The following GABRG3 variants were observed in gnomAD, a reference collection of about 807,000 sequenced individuals.
GABRG3 encodes gamma-aminobutyric acid receptor subunit gamma-3.
A neutral mutation model predicts 48.8 loss-of-function variants in GABRG3; 25 were observed. That is an observed-to-expected ratio of 0.51 (90% CI 0.37 to 0.72). The LOEUF is 0.72. Among genes scored for constraint, GABRG3 ranks in the 30% least tolerant of loss-of-function variants. GABRG3 has a pLI of 0.00. For missense variants in GABRG3, 394 were observed against 577.9 expected (o/e 0.68, Z 3.26); for synonymous variants, 227 against 217.6 (o/e 1.04, Z -0.38).
intron 5 of GABRG3, among the ~76,000 whole-genome samples, chr15:27,480,416 G>GC (rs961428644): frequency 6.6e-6 from 1 of 152,162 alleles, no homozygotes; most frequent in African/African-American, 2.4e-5. Flanking sequence ...GTTGTCAGTG[G>GC]CCAGGCCTAT....
rs962170832 is a variant in GABRG3, at chr15:26,976,607, C to T, written c.54-395C>T. ...GGTCTTGGTGGTCAGGGTGGAAACA[C>T]CACGATGCAGTCACCATATAGAAAA... On this transcript the variant is annotated intron_variant, in intron 1 of 9. Coordinates refer to ENST00000615808, the MANE Select transcript of GABRG3 (RefSeq NM_033223.5). The surrounding 1 kb of genome is among the most constrained non-coding windows in gnomAD (Gnocchi z 7.8). 6.6e-6 allele frequency among the ~76,000 whole-genome samples: 1 copy of T among 152,056 alleles called. No homozygotes were observed. Among genetic ancestry groups the T allele is most frequent in the Admixed American group, 6.6e-5 (1 of 15,262 alleles).
At chr15:27,493,440 T>C (rs1425258294) in intron 6 of GABRG3, among the ~76,000 whole-genome samples, 1 of 152,114 alleles carries the variant, frequency 6.6e-6, no homozygotes, top group African/African-American at 2.4e-5. Context: ...AGATAGAAAA[T>C]GTAGCAATGT....
chr15:27,213,042 C>T (rs938163925), intron 3 of GABRG3, among the ~76,000 whole-genome samples: 3 of 152,198 alleles, frequency 2.0e-5, no homozygotes, highest in African/African-American at 7.2e-5. Context: ...GTTGTACACT[C>T]TCTTTACTTC....
intron 3 of GABRG3, among the ~76,000 whole-genome samples, chr15:27,049,352 T>C (rs147386550): frequency 6.6e-6 from 1 of 152,356 alleles, no homozygotes; most frequent in East Asian, 1.9e-4. Context: ...AACCCTCATA[T>C]GGTCTTAGAA....
intron 3 of GABRG3, among the ~76,000 whole-genome samples, chr15:27,097,507 CTCTTTT>C (rs1897285150): frequency 6.6e-6 from 1 of 152,188 alleles, no homozygotes; most frequent in South Asian, 2.1e-4. Context: ...TTTTCTCTTT[CTCTTTT>C]TCTTTCTTCT....
intron 5 of GABRG3, among the ~76,000 whole-genome samples, chr15:27,433,189 C>T (rs1005717709): frequency 2.6e-5 from 4 of 152,146 alleles, no homozygotes; most frequent in African/African-American, 7.2e-5. Context: ...TAGTTTTTGC[C>T]CATGCCCAAA....
intron 5 of GABRG3, among the ~76,000 whole-genome samples, chr15:27,358,523 G>A (rs1025241844): frequency 6.6e-6 from 1 of 151,904 alleles, no homozygotes; most frequent in African/African-American, 2.4e-5. Flanking sequence ...TGAGATTAGG[G>A]GTGACACACT....
chr15:27,409,359 C>T (rs1017070377), intron 5 of GABRG3, among the ~76,000 whole-genome samples: 3 of 152,070 alleles, frequency 2.0e-5, no homozygotes, highest in Non-Finnish European at 2.9e-5. Flanking sequence ...TATCCTTCCT[C>T]CATTGACTTG....
chr15:26,995,474 C>G (rs1002280116), intron 2 of GABRG3, among the ~76,000 whole-genome samples: 5 of 151,268 alleles, frequency 3.3e-5, no homozygotes, highest in Admixed American at 1.3e-4. Flanking sequence ...TAGACTTAAT[C>G]TGATGTTTTG....
At chr15:27,341,603 G>A (rs746484961) in intron 5 of GABRG3, among the ~76,000 whole-genome samples, 10 of 152,080 alleles carry the variant, frequency 6.6e-5, no homozygotes, top group Non-Finnish European at 1.5e-4. Flanking sequence ...GGAACATCAA[G>A]CACGAAGAGA....
intron 6 of GABRG3, among the ~76,000 whole-genome samples, chr15:27,508,605 T>A (rs1361432438): frequency 3.3e-5 from 5 of 152,198 alleles, no homozygotes; most frequent in Admixed American, 3.3e-4. Flanking sequence ...TTTCTGAATA[T>A]ATTATATTCC....
chr15:27,338,709 A>G (rs78280091), intron 5 of GABRG3, among the ~76,000 whole-genome samples: 8,209 of 152,244 alleles, frequency 0.054, 432 homozygotes, highest in African/African-American at 0.13. Context: ...CAGGACAACT[A>G]CATTTATCTA....
intron 3 of GABRG3, among the ~76,000 whole-genome samples, chr15:27,306,657 T>C (rs1478718492): frequency 1.8e-5 from 1 of 55,606 alleles, no homozygotes; most frequent in Non-Finnish European, 3.7e-5. Flanking sequence ...AACATATATA[T>C]GAACATGTTT....
At position 27,539,562 on chromosome 15, in the gene GABRG3, G is replaced by A. The variant is rs1011657507; in HGVS notation, c.*6681G>A. 6.6e-6 allele frequency: 1 copy of A among 152,122 alleles called. No homozygotes were observed. The highest frequency in any genetic ancestry group is 6.5e-5 in the Admixed American group (1 of 15,278). 9.4% of individuals were successfully genotyped at this position (152,122 alleles called of 1,614,324 possible). ...ATGATGACTGCTTTGATTTGGTTAG[G>A]CTTTCTTACAACAGGTTTTTATAAA... On this transcript the variant is annotated 3_prime_UTR_variant, in exon 10 of 10. Coordinates refer to ENST00000615808, the MANE Select transcript of GABRG3 (RefSeq NM_033223.5).
At chr15:27,435,166 C>T (rs1447423571) in intron 5 of GABRG3, among the ~76,000 whole-genome samples, 1 of 150,422 alleles carries the variant, frequency 6.6e-6, no homozygotes, top group East Asian at 1.9e-4. Flanking sequence ...AGATCAGTGT[C>T]CTTTTATACT....
chr15:27,129,095 G>A (rs1425778070), intron 3 of GABRG3, among the ~76,000 whole-genome samples: 2 of 152,086 alleles, frequency 1.3e-5, no homozygotes, highest in Non-Finnish European at 2.9e-5. Flanking sequence ...CATTTTGAGG[G>A]TATAGTTCAG....
intron 3 of GABRG3, among the ~76,000 whole-genome samples, chr15:27,255,777 G>A (rs1890592031): frequency 6.6e-6 from 1 of 152,176 alleles, no homozygotes; most frequent in Non-Finnish European, 1.5e-5. Flanking sequence ...GAGCCAGGCT[G>A]GTAGCCAGGT....
chr15:27,475,891 TGTG>T (rs992358975), intron 5 of GABRG3, among the ~76,000 whole-genome samples: 5 of 151,910 alleles, frequency 3.3e-5, no homozygotes, highest in Admixed American at 6.6e-5. Context: ...TTAATAGTGA[TGTG>T]GTGGTGGTGA....
intron 3 of GABRG3, among the ~76,000 whole-genome samples, chr15:27,296,095 G>A (rs1451529463): frequency 6.6e-6 from 1 of 152,132 alleles, no homozygotes; most frequent in Non-Finnish European, 1.5e-5. Context: ...TGGAGAAGGA[G>A]CCTCTGTCCT....
Sources: allele counts gnomAD v4.1 joint callset (sites outside exome capture counted in the v4.1 genomes callset), GRCh38; gene constraint gnomAD v4.1.1; non-coding constraint Gnocchi (gnomAD v3.1); transcripts MANE v1.5; gene names NCBI Gene and HGNC (gene_info 2026-07-23, HGNC 2026-07-21).